The following ZNF675 variants were observed in gnomAD, a reference collection of about 807,000 sequenced individuals.
The protein encoded by ZNF675 is TRAF6 inhibitory zinc finger.
A neutral mutation model predicts 56.1 loss-of-function variants in ZNF675; 36 were observed. That is an observed-to-expected ratio of 0.64 (90% CI 0.49 to 0.85). The LOEUF (loss-of-function observed/expected upper bound fraction) is 0.85. Among genes scored for constraint, ZNF675 ranks in the 40% least tolerant of loss-of-function variants. The pLI, the probability that ZNF675 is intolerant of heterozygous loss-of-function variation, is 0.00. For missense variants in ZNF675, 663 were observed against 654.2 expected (o/e 1.01, Z -0.15); for synonymous variants, 200 against 218.9 (o/e 0.91, Z 0.76).
At chr19:23,677,605 C>A (rs1968315445) in intron 1 of ZNF675, among the ~76,000 whole-genome samples, 1 of 148,560 alleles carries the variant, frequency 6.7e-6, no homozygotes, top group Admixed American at 6.8e-5. Context: ...ACTCAGGAGG[C>A]TGAGGCAGGA....
intron 1 of ZNF675, among the ~76,000 whole-genome samples, chr19:23,666,262 T>C (rs1043563402): frequency 6.6e-6 from 1 of 152,248 alleles, no homozygotes; most frequent in Non-Finnish European, 1.5e-5. Context: ...TGAGTCTCTA[T>C]TTGAATAAAA....
At chr19:23,665,535 G>A (rs868321121) in intron 1 of ZNF675, among the ~76,000 whole-genome samples, 5 of 151,678 alleles carry the variant, frequency 3.3e-5, no homozygotes, top group Admixed American at 1.3e-4. Context: ...TCGCTCTGTA[G>A]CGCAGGCTGG....
chr19:23,658,534 G>C (rs796956720), intron 3 of ZNF675: 1 of 151,852 alleles, frequency 6.6e-6, no homozygotes, highest in South Asian at 2.1e-4. Flanking sequence ...ACAAAAATTA[G>C]TCAGGCATGG....
At chr19:23,679,682 A>C (rs200700262) in intron 1 of ZNF675, among the ~76,000 whole-genome samples, 19 of 139,326 alleles carry the variant, frequency 1.4e-4, no homozygotes, top group Non-Finnish European at 1.6e-4. Context: ...AAAAAAAAAA[A>C]CCTCATTAAA....
intron 1 of ZNF675, among the ~76,000 whole-genome samples, chr19:23,664,909 C>T (rs1490859610): frequency 2.0e-5 from 3 of 152,112 alleles, no homozygotes; most frequent in Non-Finnish European, 4.4e-5. Context: ...TCAGGTCGCA[C>T]CACTGTACTC....
At chr19:23,673,422 T>C (rs1011551318) in intron 1 of ZNF675, among the ~76,000 whole-genome samples, 1 of 152,194 alleles carries the variant, frequency 6.6e-6, no homozygotes. Context: ...ATTGCTGCCC[T>C]GTGAAGTTCG....
intron 1 of ZNF675, among the ~76,000 whole-genome samples, chr19:23,683,453 G>A (rs567606355): frequency 3.3e-5 from 5 of 152,184 alleles, no homozygotes; most frequent in South Asian, 2.1e-4. Flanking sequence ...AGATTGTCTC[G>A]CTCTGACTCC....
At chr19:23,683,872 A>T (rs993990906) in intron 1 of ZNF675, among the ~76,000 whole-genome samples, 7 of 150,884 alleles carry the variant, frequency 4.6e-5, no homozygotes, top group East Asian at 1.9e-4. Flanking sequence ...ATATAATTAA[A>T]TTTTTTTTTT....
intron 1 of ZNF675, among the ~76,000 whole-genome samples, chr19:23,684,275 A>C (rs8104535): frequency 0.97 from 143,869 of 148,986 alleles, 69,609 homozygotes; most frequent in East Asian, 1. Context: ...AAAAAAAAAA[A>C]AAAAAAACTA....
At chr19:23,680,685 T>C (rs1239668284) in intron 1 of ZNF675, among the ~76,000 whole-genome samples, 1 of 151,386 alleles carries the variant, frequency 6.6e-6, no homozygotes, top group Non-Finnish European at 1.5e-5. Flanking sequence ...ACCTGGGAGA[T>C]GGAGGTGGCA....
chr19:23,681,853 GAA>G (rs1968380490), intron 1 of ZNF675, among the ~76,000 whole-genome samples: 1 of 149,534 alleles, frequency 6.7e-6, no homozygotes, highest in Non-Finnish European at 1.5e-5. Context: ...ATACAACTCA[GAA>G]AAAGTCAAAT....
At position 23,652,993 on chromosome 19, in the gene ZNF675, T is replaced by C. The variant is rs1313344566; in HGVS notation, c.*233A>G. 2.0e-5 allele frequency: 8 copies of C among 401,118 alleles called. No homozygotes were observed. The highest frequency in any genetic ancestry group is 3.1e-5 in the Non-Finnish European group (7 of 227,576). 24.8% of individuals were successfully genotyped at this position (401,118 alleles called of 1,614,324 possible). A position where few individuals can be genotyped will look rare whatever the true frequency, so the allele number is the denominator to read the frequency against. On this transcript the variant is annotated 3_prime_UTR_variant, in exon 4 of 4. Transcript: ENST00000359788. The stretch of plus-strand genomic sequence containing the variant: ...ATGGCTATTTTACACTCTTTATATT[T>C]GTACAATTTTTCTTAAGTATAAACG...
At chr19:23,675,955 C>A (rs1968288779) in intron 1 of ZNF675, among the ~76,000 whole-genome samples, 2 of 97,662 alleles carry the variant, frequency 2.0e-5, no homozygotes, top group Non-Finnish European at 2.0e-5. Flanking sequence ...AAACCACTAG[C>A]TAGATTAATG....
At chr19:23,680,144 A>G (rs1968357983) in intron 1 of ZNF675, among the ~76,000 whole-genome samples, 2 of 150,778 alleles carry the variant, frequency 1.3e-5, no homozygotes, top group South Asian at 4.2e-4. Flanking sequence ...TGTCTCTACT[A>G]AAAATAGAAT....
chr19:23,668,914 A>G (rs1343249493), intron 1 of ZNF675, among the ~76,000 whole-genome samples: 1 of 152,092 alleles, frequency 6.6e-6, no homozygotes, highest in African/African-American at 2.4e-5. Context: ...CTCTCCCTCC[A>G]CAACTCCCTA....
intron 1 of ZNF675, among the ~76,000 whole-genome samples, chr19:23,665,387 A>G (rs1425386517): frequency 2.0e-5 from 3 of 151,528 alleles, no homozygotes; most frequent in Non-Finnish European, 4.4e-5. Flanking sequence ...TTAGCTGGGC[A>G]TTGCCTTTAA....
rs1568286878 is a variant in ZNF675, at chr19:23,653,586, C to A, written c.1347G>T (p.Lys449Asn). ...CACATTCTTCACATTTGTAGGGTTT[C>A]TTTCCAGTATGAAGTTTCTTATGTT... is the stretch of plus-strand genomic sequence containing the variant. ...LTEHKKLHTG[K>N]KPYKCEECGK... The change falls in exon 4 of 4, where the codon AAG becomes AAT. Residue 449 changes from lysine (K) to asparagine (N), a missense_variant. Lys to Asn is a moderately conservative substitution (Grantham distance 94, BLOSUM62 0). Transcript: ENST00000359788. 6.2e-7 allele frequency: 1 copy of A among 1,612,516 alleles called. No homozygotes were observed. The highest frequency in any genetic ancestry group is 1.3e-5 in the African/African-American group (1 of 74,824).
chr19:23,665,513 T>C (rs1477407823), intron 1 of ZNF675, among the ~76,000 whole-genome samples: 2 of 151,930 alleles, frequency 1.3e-5, no homozygotes, highest in Admixed American at 6.6e-5. Context: ...TGTGTGTGTG[T>C]GTGATGGAGT....
chr19:23,662,125 T>A lies in ZNF675; in HGVS notation c.215A>T (p.Asn72Ile). 6.2e-7 allele frequency: 1 copy of A among 1,613,312 alleles called. No individual in the cohort carries two copies. The highest frequency in any genetic ancestry group is 8.5e-7 in the Non-Finnish European group (1 of 1,179,412). ...PLTVKRHEMVNEPPVMCSHFA... is the reference protein window; with the variant it reads ...PLTVKRHEMVIEPPVMCSHFA... ...TCATTCTCACTTACCTGGGGGTTCA[T>A]TCACCATCTCATGTCTCTTCACAGT... The change falls in exon 3 of 4, where the codon AAT becomes ATT. Residue 72 changes from asparagine (N) to isoleucine (I), a missense_variant. Coordinates refer to ENST00000359788, the MANE Select transcript of ZNF675 (RefSeq NM_138330.3).
Sources: allele counts gnomAD v4.1 joint callset (sites outside exome capture counted in the v4.1 genomes callset), GRCh38; gene constraint gnomAD v4.1.1; transcripts MANE v1.5; gene names NCBI Gene and HGNC (gene_info 2026-07-23, HGNC 2026-07-21).